LINGO2: variants seen among roughly 807,000 people sequenced by gnomAD.
LINGO2 encodes the protein leucine rich repeat and Ig domain containing 2.
Under a neutral mutation model 30.6 loss-of-function variants are expected in LINGO2, and 14 were observed. The ratio of observed to expected loss-of-function variants is 0.46; its 90% CI spans 0.30 to 0.72. LINGO2 has a LOEUF of 0.72. LINGO2 is among the 30% of genes least tolerant of loss of function. LINGO2 has a pLI of 0.07. For missense variants in LINGO2, 729 were observed against 751.7 expected (o/e 0.97, Z 0.35); for synonymous variants, 317 against 288.5 (o/e 1.10, Z -1.00).
chr9:28,174,690 C>T (rs768787718), intron 4 of LINGO2, among the ~76,000 whole-genome samples: 2 of 152,104 alleles, frequency 1.3e-5, no homozygotes, highest in East Asian at 1.9e-4. Context: ...TACATCACAC[C>T]GTATGGTGAA....
At chr9:28,455,388 T>C (rs1262453003) in intron 2 of LINGO2, among the ~76,000 whole-genome samples, 1 of 152,060 alleles carries the variant, frequency 6.6e-6, no homozygotes, top group Non-Finnish European at 1.5e-5. Context: ...AAATATTTGA[T>C]TTGCAAAGTA....
the LINGO2 span, among the ~76,000 whole-genome samples, chr9:29,192,753 C>G: frequency 6.6e-6 from 1 of 152,076 alleles, no homozygotes; most frequent in African/African-American, 2.4e-5. Context: ...TATAAAAACC[C>G]AGGCAGGGTC....
At chr9:28,061,942 C>T (rs1191368292) in intron 4 of LINGO2, among the ~76,000 whole-genome samples, 3 of 151,978 alleles carry the variant, frequency 2.0e-5, no homozygotes, top group African/African-American at 7.2e-5. Flanking sequence ...TTTCACAGTG[C>T]CTGGCAATAT....
intron 1 of LINGO2, among the ~76,000 whole-genome samples, chr9:28,563,660 C>T (rs1471560548): frequency 6.6e-6 from 1 of 150,676 alleles, no homozygotes; most frequent in Non-Finnish European, 1.5e-5. Context: ...TTGATGAGTG[C>T]TTTCTCTGTT....
the LINGO2 span, among the ~76,000 whole-genome samples, chr9:28,992,751 C>T: frequency 2.6e-5 from 4 of 152,104 alleles, no homozygotes; most frequent in Non-Finnish European, 5.9e-5. Context: ...GAACAACCTG[C>T]TCCTGAGTGG....
intron 4 of LINGO2, among the ~76,000 whole-genome samples, chr9:28,026,576 AAG>A (rs1283592956): frequency 6.6e-6 from 1 of 152,198 alleles, no homozygotes; most frequent in African/African-American, 2.4e-5. Context: ...TGGGGACCCC[AAG>A]TTATAAAGCT....
the LINGO2 span, among the ~76,000 whole-genome samples, chr9:28,885,702 TGAACTTTC>T: frequency 2.0e-4 from 30 of 152,252 alleles, no homozygotes; most frequent in African/African-American, 7.2e-4. Context: ...ATAATAAAAC[TGAACTTTC>T]TAGTTGCCTA....
At chr9:29,145,158 T>C in the LINGO2 span, among the ~76,000 whole-genome samples, 1 of 152,156 alleles carries the variant, frequency 6.6e-6, no homozygotes, top group Admixed American at 6.5e-5. Context: ...TTCAGAGCAA[T>C]AAATCATCCT....
chr9:28,244,348 C>T (rs1821919991), intron 4 of LINGO2, among the ~76,000 whole-genome samples: 1 of 152,088 alleles, frequency 6.6e-6, no homozygotes, highest in Non-Finnish European at 1.5e-5. Context: ...AAATTGATAG[C>T]ACTAAATGCC....
the LINGO2 span, among the ~76,000 whole-genome samples, chr9:28,874,267 T>A: frequency 6.6e-6 from 1 of 152,040 alleles, no homozygotes; most frequent in South Asian, 2.1e-4. Context: ...TTTGAGTACA[T>A]CTGGTCTATG....
chr9:28,929,628 G>T, the LINGO2 span, among the ~76,000 whole-genome samples: 112,552 of 151,998 alleles, frequency 0.74, 41,825 homozygotes, highest in Non-Finnish European at 0.78. Context: ...TTTCAATATC[G>T]GCATGGACAA....
At chr9:28,184,440 G>C (rs1287047578) in intron 4 of LINGO2, among the ~76,000 whole-genome samples, 1 of 152,032 alleles carries the variant, frequency 6.6e-6, no homozygotes, top group African/African-American at 2.4e-5. Context: ...GTCTAAGGCT[G>C]CACTATGTCT....
chr9:28,381,419 T>C (rs572666608), intron 2 of LINGO2, among the ~76,000 whole-genome samples: 2 of 152,136 alleles, frequency 1.3e-5, no homozygotes, highest in South Asian at 2.1e-4. Flanking sequence ...TGGCTACACA[T>C]GCAGGTAAAA....
chr9:28,693,809 C>T, the LINGO2 span, among the ~76,000 whole-genome samples: 2 of 151,962 alleles, frequency 1.3e-5, no homozygotes, highest in Non-Finnish European at 2.9e-5. Context: ...ATTCATTATA[C>T]TTTTTATAGG....
chr9:28,180,150 G>A (rs1828871672), intron 4 of LINGO2, among the ~76,000 whole-genome samples: 1 of 152,088 alleles, frequency 6.6e-6, no homozygotes, highest in Non-Finnish European at 1.5e-5. Context: ...TAGCTTTCCT[G>A]TAAACCATAG....
the LINGO2 span, among the ~76,000 whole-genome samples, chr9:28,699,047 C>CAAAACA: frequency 2.0e-5 from 3 of 150,178 alleles, no homozygotes; most frequent in Non-Finnish European, 3.0e-5. Flanking sequence ...GCCTCAAAAA[C>CAAAACA]AAAACAAAAC....
At chr9:29,125,432 A>AATATAT in the LINGO2 span, among the ~76,000 whole-genome samples, 21 of 151,678 alleles carry the variant, frequency 1.4e-4, no homozygotes, top group South Asian at 3.3e-3. Flanking sequence ...AAAATTTAAA[A>AATATAT]ATATATATAT....
At chr9:28,003,330 G>T (rs568123284) in intron 5 of LINGO2, among the ~76,000 whole-genome samples, 1 of 133,674 alleles carries the variant, frequency 7.5e-6, no homozygotes, top group South Asian at 2.4e-4. Context: ...TAACCATATA[G>T]ATATATAGAT....
the LINGO2 span, among the ~76,000 whole-genome samples, chr9:28,884,607 T>A: frequency 4.6e-5 from 7 of 151,134 alleles, no homozygotes; most frequent in South Asian, 1.5e-3. Context: ...AATTGTAAGT[T>A]GACTGTGTTT....
Sources: allele counts gnomAD v4.1 joint callset (sites outside exome capture counted in the v4.1 genomes callset), GRCh38; gene constraint gnomAD v4.1.1; transcripts MANE v1.5; gene names NCBI Gene and HGNC (gene_info 2026-07-23, HGNC 2026-07-21).